POU6F2: variants seen among roughly 807,000 people sequenced by gnomAD.
POU6F2 encodes the protein POU class 6 homeobox 2.
In POU6F2, 31 loss-of-function variants were observed where a neutral mutation model predicts 71.3. That is an observed-to-expected ratio of 0.43 (90% confidence interval 0.33 to 0.59). The LOEUF is 0.59. POU6F2 is among the 20% of genes least tolerant of loss of function. The pLI is 0.04. For synonymous variants in POU6F2, 347 were observed against 355.7 expected (o/e 0.98, Z 0.27); for missense variants, 783 against 856.8 (o/e 0.91, Z 1.07).
intron 2 of POU6F2, among the ~76,000 whole-genome samples, chr7:39,142,856 T>A (rs1218676555): frequency 1.3e-5 from 2 of 152,216 alleles, no homozygotes; most frequent in Non-Finnish European, 1.5e-5. Context: ...GTCATATGCT[T>A]TTGAAACATT....
At chr7:39,183,653 G>A (rs1263274118) in intron 2 of POU6F2, among the ~76,000 whole-genome samples, 1 of 152,156 alleles carries the variant, frequency 6.6e-6, no homozygotes, top group African/African-American at 2.4e-5. Context: ...ACCCTCTTTG[G>A]TCTGTGGAAA....
chr7:39,396,397 T>A (rs542252119), intron 5 of POU6F2, among the ~76,000 whole-genome samples: 1 of 152,246 alleles, frequency 6.6e-6, no homozygotes, highest in East Asian at 1.9e-4. Flanking sequence ...TTCCTTCCCC[T>A]CCCTCAAGTG....
intron 6 of POU6F2, among the ~76,000 whole-genome samples, chr7:39,418,975 GTATA>G (rs1307295210): frequency 1.3e-3 from 188 of 140,334 alleles, no homozygotes; most frequent in African/African-American, 4.8e-3. Flanking sequence ...GTGTATATAT[GTATA>G]TATATGTGTA....
chr7:39,267,640 A>ATT (rs200632650), intron 4 of POU6F2, among the ~76,000 whole-genome samples: 25 of 148,784 alleles, frequency 1.7e-4, no homozygotes, highest in Admixed American at 5.3e-4. Context: ...TATTTTATTT[A>ATT]TTTTTTTTTT....
intron 5 of POU6F2, among the ~76,000 whole-genome samples, chr7:39,377,632 G>A (rs1786736504): frequency 6.6e-6 from 1 of 152,068 alleles, no homozygotes; most frequent in Non-Finnish European, 1.5e-5. Context: ...CTAGCTCCCT[G>A]CTCCCCCCTC....
At chr7:39,403,815 A>T (rs1325360048) in intron 5 of POU6F2, among the ~76,000 whole-genome samples, 1 of 152,214 alleles carries the variant, frequency 6.6e-6, no homozygotes, top group Admixed American at 6.5e-5. Flanking sequence ...AAGCCAAAAG[A>T]TATGTATGTA....
intron 8 of POU6F2, among the ~76,000 whole-genome samples, chr7:39,454,761 A>C: frequency 7.5e-6 from 1 of 133,644 alleles, no homozygotes; most frequent in African/African-American, 2.8e-5. Context: ...ATTACATCAC[A>C]ATATCACCAA....
chr7:39,350,227 C>T (rs1452673171), intron 5 of POU6F2, among the ~76,000 whole-genome samples: 2 of 151,976 alleles, frequency 1.3e-5, no homozygotes, highest in Non-Finnish European at 2.9e-5. Flanking sequence ...CAGCTGGACT[C>T]CATATCCTGC....
chr7:39,306,586 A>G (rs1785052233), intron 4 of POU6F2, among the ~76,000 whole-genome samples: 1 of 152,186 alleles, frequency 6.6e-6, no homozygotes, highest in Non-Finnish European at 1.5e-5. Context: ...TGTATTAACC[A>G]CACTCTGTCA....
intron 1 of POU6F2, among the ~76,000 whole-genome samples, chr7:39,007,600 T>A (rs1002600704): frequency 6.6e-5 from 10 of 152,222 alleles, no homozygotes; most frequent in Admixed American, 3.3e-4. Flanking sequence ...TATGTATACA[T>A]GTGCCATGGT....
intron 1 of POU6F2, among the ~76,000 whole-genome samples, chr7:39,038,561 A>C (rs1256240559): frequency 6.6e-6 from 1 of 152,028 alleles, no homozygotes; most frequent in Non-Finnish European, 1.5e-5. Flanking sequence ...AGGCAATTTG[A>C]ATCTTGGGGA....
chr7:38,978,596 T>G (rs1232253002), intron 1 of POU6F2, among the ~76,000 whole-genome samples: 2 of 152,176 alleles, frequency 1.3e-5, no homozygotes, highest in African/African-American at 2.4e-5. Context: ...GTAGTAGTAG[T>G]CTTGGCTGCT....
At chr7:39,290,397 C>G (rs1209749559) in intron 4 of POU6F2, among the ~76,000 whole-genome samples, 3 of 152,176 alleles carry the variant, frequency 2.0e-5, no homozygotes. Context: ...CCAAGCCACT[C>G]CCTGTACAGA....
chr7:39,096,594 T>TATGC (rs1401724242), intron 2 of POU6F2, among the ~76,000 whole-genome samples: 1 of 152,182 alleles, frequency 6.6e-6, no homozygotes, highest in African/African-American at 2.4e-5. Flanking sequence ...TCGTTCTGAT[T>TATGC]CAGCCAAAAT....
At chr7:39,426,727 A>C (rs920459968) in intron 6 of POU6F2, among the ~76,000 whole-genome samples, 2 of 152,128 alleles carry the variant, frequency 1.3e-5, no homozygotes, top group African/African-American at 4.8e-5. Flanking sequence ...AGCCACTTTC[A>C]TTATCCTTGA....
In POU6F2 at chr7:39,366,609, C is replaced by T. The variant is rs541752891; in HGVS notation, c.972+26594C>T. Reference sequence around the variant, plus strand: ...CCCCTCCTACCCAGGCCCAGAGACACTAGGAGCGGGTAGGGAACAGCCACC... The same window carrying T: ...CCCCTCCTACCCAGGCCCAGAGACATTAGGAGCGGGTAGGGAACAGCCACC... On this transcript the variant is annotated intron_variant, in intron 5 of 9. Transcript: ENST00000518318. Among the ~76,000 whole-genome samples, 114 of 152,266 alleles carry T rather than the reference C, an allele frequency of 7.5e-4. 1 individual carries two copies. In the Middle Eastern group the frequency reaches 0.01, roughly 14 times the overall value.
At chr7:39,293,374 AC>A (rs1398261277) in intron 4 of POU6F2, among the ~76,000 whole-genome samples, 6 of 152,204 alleles carry the variant, frequency 3.9e-5, no homozygotes, top group Non-Finnish European at 8.8e-5. Flanking sequence ...GACAATCCTA[AC>A]AAGATGACAG....
At chr7:39,433,003 G>A (rs531785516) in intron 6 of POU6F2, 74 bp from the exon 7 acceptor site, 622 of 1,462,388 alleles carry the variant, frequency 4.3e-4, no homozygotes, top group Admixed American at 1.9e-4. Context: ...GAGAGACCAG[G>A]CACTGCATGG....
chr7:39,348,383 T>C (rs1216184459), intron 5 of POU6F2, among the ~76,000 whole-genome samples: 1 of 152,266 alleles, frequency 6.6e-6, no homozygotes, highest in East Asian at 1.9e-4. Flanking sequence ...ATTTCATGCA[T>C]TGGCCTCATG....
Sources: gnomAD v4.1 joint callset for allele counts (sites outside exome capture counted in the v4.1 genomes callset) on GRCh38, gnomAD v4.1.1 for gene constraint, MANE v1.5 for transcripts, NCBI Gene and HGNC (gene_info 2026-07-23, HGNC 2026-07-21) for gene names.